The following PXDNL variants were observed in gnomAD, a reference collection of about 807,000 sequenced individuals.
The protein encoded by PXDNL is probable oxidoreductase PXDNL.
In PXDNL, 145 loss-of-function variants were observed where a neutral mutation model predicts 150.8. The observed-to-expected ratio is 0.96, with a 90% confidence interval of 0.84 to 1.10. The LOEUF (loss-of-function observed/expected upper bound fraction) is 1.10. PXDNL is among the 50% of genes least tolerant of loss of function. PXDNL has a pLI of 0.00. For synonymous variants in PXDNL, 757 were observed against 725.7 expected, an observed-to-expected ratio of 1.04 and a Z score of -0.69; for missense variants, 2,087 against 1,873.9, an observed-to-expected ratio of 1.11 and a Z score of -2.10.
At chr8:51,332,016 T>C (rs1386322033) in intron 21 of PXDNL, among the ~76,000 whole-genome samples, 2 of 151,036 alleles carry the variant, frequency 1.3e-5, no homozygotes, top group Non-Finnish European at 2.9e-5. Context: ...TGGCAGGAGG[T>C]CAACCAGCAC....
intron 1 of PXDNL, among the ~76,000 whole-genome samples, chr8:51,805,350 A>T (rs2037664319): frequency 6.7e-6 from 1 of 148,296 alleles, no homozygotes; most frequent in African/African-American, 2.4e-5. Context: ...TTTATATATA[A>T]AACTTTATAT....
chr8:51,777,268 T>C (rs548935100), intron 1 of PXDNL, among the ~76,000 whole-genome samples: 4 of 152,236 alleles, frequency 2.6e-5, no homozygotes, highest in African/African-American at 7.2e-5. Context: ...TGCTTCCACA[T>C]CCCCAAAGTA....
intron 1 of PXDNL, among the ~76,000 whole-genome samples, chr8:51,780,014 C>T (rs2037395112): frequency 6.6e-6 from 1 of 151,982 alleles, no homozygotes; most frequent in Non-Finnish European, 1.5e-5. Context: ...TAGTTCAAGA[C>T]CAGCCTGGCC....
chr8:51,669,942 AT>A (rs1361895939), intron 1 of PXDNL, among the ~76,000 whole-genome samples: 3 of 152,224 alleles, frequency 2.0e-5, no homozygotes, highest in African/African-American at 7.2e-5. Flanking sequence ...CATTATGAAC[AT>A]TTCTTGCTTC....
chr8:51,550,413 A>C (rs1485024760), intron 4 of PXDNL, among the ~76,000 whole-genome samples: 2 of 152,130 alleles, frequency 1.3e-5, no homozygotes, highest in Non-Finnish European at 2.9e-5. Flanking sequence ...TCCCTGATGA[A>C]AATGATGCAA....
intron 4 of PXDNL, among the ~76,000 whole-genome samples, chr8:51,531,411 G>T (rs1377107155): frequency 6.6e-6 from 1 of 152,170 alleles, no homozygotes; most frequent in Non-Finnish European, 1.5e-5. Context: ...TGAAGCCGGG[G>T]AGTGGATAAC....
intron 12 of PXDNL, among the ~76,000 whole-genome samples, chr8:51,444,027 C>A (rs970075246): frequency 9.9e-5 from 15 of 152,152 alleles, no homozygotes; most frequent in African/African-American, 3.6e-4. Flanking sequence ...TAGGTAGCTT[C>A]TTTTGACATT....
chr8:51,456,195 G>A (rs1345470302), intron 9 of PXDNL, among the ~76,000 whole-genome samples: 3 of 152,064 alleles, frequency 2.0e-5, no homozygotes, highest in South Asian at 2.1e-4. Flanking sequence ...TCAGTGTAGC[G>A]TCATGAATAC....
In PXDNL at chr8:51,377,475, C is replaced by T. The variant is rs941999414; in HGVS notation, c.3558-2744G>A. ...TGTGGGAACCCCTCTCTGAGCTAAA[C>T]GAGGCCGGAGCCGGCTCCCTCAGCT... On this transcript the variant is annotated intron_variant, in intron 17 of 22. Coordinates refer to ENST00000356297, the MANE Select transcript of PXDNL (RefSeq NM_144651.5). Among the ~76,000 whole-genome samples the T allele has an allele frequency of 3.9e-5, 6 of 152,304 alleles. No individual in the cohort carries two copies. The South Asian group carries it at 6.2e-4, about 16-fold the overall frequency.
At chr8:51,630,578 G>T (rs1345460014) in intron 2 of PXDNL, among the ~76,000 whole-genome samples, 1 of 151,856 alleles carries the variant, frequency 6.6e-6, no homozygotes, top group Admixed American at 6.6e-5. Context: ...GGAATGTAAA[G>T]AAATCACCAA....
intron 1 of PXDNL, among the ~76,000 whole-genome samples, chr8:51,673,822 T>C (rs936316631): frequency 6.6e-6 from 1 of 152,168 alleles, no homozygotes; most frequent in Non-Finnish European, 1.5e-5. Context: ...CCTTCAGCAA[T>C]TTAGACTTAA....
chr8:51,369,780 C>T (rs1424068379), intron 19 of PXDNL, among the ~76,000 whole-genome samples: 1 of 152,186 alleles, frequency 6.6e-6, no homozygotes, highest in Non-Finnish European at 1.5e-5. Context: ...ATTGGGACCA[C>T]AGATCTTGAT....
At chr8:51,433,971 G>A (rs1044029326) in intron 12 of PXDNL, among the ~76,000 whole-genome samples, 3 of 151,882 alleles carry the variant, frequency 2.0e-5, no homozygotes, top group Admixed American at 1.3e-4. Flanking sequence ...TGTTCATCAG[G>A]TTCTTTTATT....
At chr8:51,495,489 G>A (rs1811024038) in intron 5 of PXDNL, among the ~76,000 whole-genome samples, 1 of 152,144 alleles carries the variant, frequency 6.6e-6, no homozygotes, top group African/African-American at 2.4e-5. Context: ...AATGAATCCA[G>A]GAGCTGGTTT....
chr8:51,600,491 C>T (rs188019736), intron 2 of PXDNL, among the ~76,000 whole-genome samples: 24 of 112,868 alleles, frequency 2.1e-4, no homozygotes, highest in Admixed American at 8.2e-4. Context: ...TAAATTATAT[C>T]GTTTAGATAA....
intron 3 of PXDNL, among the ~76,000 whole-genome samples, chr8:51,567,007 T>C (rs1356412264): frequency 6.6e-6 from 1 of 151,854 alleles, no homozygotes; most frequent in East Asian, 1.9e-4. Flanking sequence ...TTCAAAATAC[T>C]TTTAAATTTC....
At chr8:51,687,429 A>G (rs1815901588) in intron 1 of PXDNL, among the ~76,000 whole-genome samples, 1 of 152,268 alleles carries the variant, frequency 6.6e-6, no homozygotes, top group African/African-American at 2.4e-5. Flanking sequence ...TATATACGGT[A>G]TATAGCTAGA....
intron 1 of PXDNL, among the ~76,000 whole-genome samples, chr8:51,753,735 C>A (rs1056800164): frequency 5.3e-5 from 8 of 152,162 alleles, no homozygotes; most frequent in Admixed American, 3.3e-4. Context: ...GGGAAATAAA[C>A]CTTGATGAGG....
intron 4 of PXDNL, among the ~76,000 whole-genome samples, chr8:51,503,370 T>C (rs1811225643): frequency 6.7e-6 from 1 of 148,562 alleles, no homozygotes; most frequent in African/African-American, 2.5e-5. Flanking sequence ...TCCATATGAT[T>C]TGACAAATTT....
Sources: allele counts gnomAD v4.1 joint callset (sites outside exome capture counted in the v4.1 genomes callset), GRCh38; gene constraint gnomAD v4.1.1; transcripts MANE v1.5; gene names NCBI Gene and HGNC (gene_info 2026-07-23, HGNC 2026-07-21).